The following NCKAP5L variants were observed in gnomAD, a reference collection of about 807,000 sequenced individuals.
The protein encoded by NCKAP5L is nck-associated protein 5-like.
A neutral mutation model predicts 103.2 loss-of-function variants in NCKAP5L; 54 were observed. The observed-to-expected ratio is 0.52, with a 90% confidence interval of 0.42 to 0.66. NCKAP5L has a LOEUF of 0.66. Among genes scored for constraint, NCKAP5L ranks in the 30% least tolerant of loss-of-function variants. The probability of loss-of-function intolerance (pLI) is 0.00; values close to 1 mark genes in which losing one functional copy is unlikely to be tolerated. For missense variants in NCKAP5L, 1,733 were observed against 1,750.6 expected (o/e 0.99, Z 0.18); for synonymous variants, 762 against 748.6 (o/e 1.02, Z -0.29).
chr12:49,800,647 G>C lies in NCKAP5L; in HGVS notation c.351+1201C>G, dbSNP rs183268276. Among the ~76,000 whole-genome samples, 154 of 152,304 alleles carry C rather than the reference G, an allele frequency of 1.0e-3. 2 individuals are homozygous for C. Among genetic ancestry groups the C allele is most frequent in the African/African-American group, 3.6e-3 (150 of 41,554 alleles). ...ATCTGTAAAGAAAAAACTATAGTCT[G>C]TAAACCTTAGTAATTTGCCCCAGGT... On this transcript the variant is annotated intron_variant, in intron 6 of 12. Transcript: ENST00000335999.
At chr12:49,807,401 C>G (rs1396182841) in intron 1 of NCKAP5L, among the ~76,000 whole-genome samples, 1 of 152,126 alleles carries the variant, frequency 6.6e-6, no homozygotes, top group Non-Finnish European at 1.5e-5. Context: ...TTCAGTGGCA[C>G]GTTCATAGCT....
Position 49,803,153 on chromosome 12 carries a change from C to T in NCKAP5L, c.136G>A (p.Ala46Thr). The change falls in exon 4 of 13, where the codon GCA becomes ACA. Residue 46 changes from alanine (A) to threonine (T), a missense_variant. By Grantham distance (58) the Ala-to-Thr change is moderately conservative (BLOSUM62 0). Coordinates refer to ENST00000335999, the MANE Select transcript of NCKAP5L (RefSeq NM_001037806.4). ...TGGTTTTCGTTGGCCTGGGCAAGTGCCGAGTTCTCTGCCTGCAGGAGTGAG... is the reference window on the plus strand; with the variant it reads ...TGGTTTTCGTTGGCCTGGGCAAGTGTCGAGTTCTCTGCCTGCAGGAGTGAG... ...RLRELEAENS[A>T]LAQANENQRE... The T allele has an allele frequency of 6.2e-7, 1 of 1,614,068 alleles. No individual in the cohort carries two copies. The highest frequency in any genetic ancestry group is 8.5e-7 in the Non-Finnish European group (1 of 1,180,044).
Position 49,792,125 on chromosome 12 carries a change from G to T in NCKAP5L, c.3793-74C>A. 1 of 1,346,162 alleles carries T rather than the reference G, an allele frequency of 7.4e-7. No homozygotes were observed. Among genetic ancestry groups the T allele is most frequent in the Non-Finnish European group, 1.0e-6 (1 of 1,004,196 alleles). 83.4% of individuals were successfully genotyped at this position (1,346,162 alleles called of 1,614,324 possible). A position where few individuals can be genotyped will look rare whatever the true frequency, so the allele number is the denominator to read the frequency against. ...CCCAGCCTCAGAGGCACTGAGCTCT[G>T]AGGGGCGTCTGTGCACCTGATGGGG... On this transcript the variant is annotated intron_variant, in intron 12 of 12. Coordinates refer to ENST00000335999, the MANE Select transcript of NCKAP5L (RefSeq NM_001037806.4). The surrounding 1 kb of genome is among the most constrained non-coding windows in gnomAD (Gnocchi z 4.5).
intron 1 of NCKAP5L, among the ~76,000 whole-genome samples, chr12:49,818,722 C>T (rs1176739307): frequency 1.3e-5 from 2 of 152,044 alleles, no homozygotes; most frequent in Non-Finnish European, 2.9e-5. Flanking sequence ...CTCGATATCA[C>T]GAATCATCAG....
In NCKAP5L at chr12:49,804,368, C is replaced by A. The variant is rs1362440166; in HGVS notation, c.-36-288G>T. ...TCATTCAGCCTCCCTGGGTCTCAGT[C>A]CCTCTATTTGTAAAATAACACCAAT... On this transcript the variant is annotated intron_variant, in intron 2 of 12. Coordinates refer to ENST00000335999, the MANE Select transcript of NCKAP5L (RefSeq NM_001037806.4). 5.0e-5 allele frequency: 10 copies of A among 201,934 alleles called. No homozygotes were observed. The Admixed American group carries it at 5.2e-4, about 11-fold the overall frequency. The allele number at this position is 201,934 out of a possible 1,614,324, so 12.5% of individuals were successfully genotyped here.
In NCKAP5L at chr12:49,791,671, G is replaced by A. The variant is rs1398815489; in HGVS notation, c.*168C>T. ...GCTGAGCACGGTCATCTCATCCGCC[G>A]AAGCAGTGGGTGGTGGGGTGTGCCA... is the stretch of plus-strand genomic sequence containing the variant. On this transcript the variant is annotated 3_prime_UTR_variant, in exon 13 of 13. Transcript: ENST00000335999. The A allele has an allele frequency of 8.7e-6, 5 of 575,278 alleles. No individual in the cohort carries two copies. Among genetic ancestry groups the A allele is most frequent in the Admixed American group, 3.4e-5 (1 of 29,202 alleles). 35.6% of individuals were successfully genotyped at this position (575,278 alleles called of 1,614,324 possible).
At chr12:49,818,147 CA>C (rs966897628) in intron 1 of NCKAP5L, among the ~76,000 whole-genome samples, 4 of 148,268 alleles carry the variant, frequency 2.7e-5, no homozygotes, top group Admixed American at 6.7e-5. Flanking sequence ...AAAAAAAAAA[CA>C]AAAAAACCTT....
rs1946084381 is a variant in NCKAP5L at position 49,798,482 on chromosome 12, A to T, written c.352-19T>A. 6.5e-7 allele frequency: 1 copy of T among 1,546,344 alleles called. No homozygotes were observed. The highest frequency in any genetic ancestry group is 1.2e-5 in the South Asian group (1 of 84,308). ...GTGGGATCTGCAGAGGGAGAGGCAG[A>T]GTTAGCACAGTAGCTGTCTGACCCC... On this transcript the variant is annotated intron_variant, in intron 6 of 12. Transcript: ENST00000335999.
chr12:49,799,913 C>T (rs1043853823), intron 6 of NCKAP5L, among the ~76,000 whole-genome samples: 4 of 152,146 alleles, frequency 2.6e-5, no homozygotes, highest in African/African-American at 7.2e-5. Flanking sequence ...ATCTCCCATC[C>T]GGCCGGGCAT....
At chr12:49,818,880 A>G (rs1946329738) in intron 1 of NCKAP5L, among the ~76,000 whole-genome samples, 1 of 152,132 alleles carries the variant, frequency 6.6e-6, no homozygotes, top group African/African-American at 2.4e-5. Flanking sequence ...CCACTATGGT[A>G]AATAGTATGG....
chr12:49,792,935 G>C lies in NCKAP5L; in HGVS notation c.3392C>G (p.Pro1131Arg). 1 of 1,558,856 alleles carries C rather than the reference G, an allele frequency of 6.4e-7. No individual in the cohort carries two copies. The highest frequency in any genetic ancestry group is 8.6e-7 in the Non-Finnish European group (1 of 1,160,240). The change falls in exon 11 of 13, where the codon CCC becomes CGC. Residue 1131 changes from proline (P) to arginine (R), a missense_variant. Transcript: ENST00000335999. The surrounding 1 kb of genome is among the most constrained non-coding windows in gnomAD (Gnocchi z 4.5). ...TLDSGIGTFPPPDHGSSGTPS... is the reference protein window; with the variant it reads ...TLDSGIGTFPRPDHGSSGTPS... ...GGTCCCACTGCTACCATGGTCTGGGGGTGGGAAGGTCCCAATGCCACTGTC... is the reference window on the plus strand; with the variant it reads ...GGTCCCACTGCTACCATGGTCTGGGCGTGGGAAGGTCCCAATGCCACTGTC...
chr12:49,799,489 T>G (rs771457403), intron 6 of NCKAP5L, among the ~76,000 whole-genome samples: 1 of 151,430 alleles, frequency 6.6e-6, no homozygotes, highest in Non-Finnish European at 1.5e-5. Context: ...AAAAAAAAAT[T>G]TTTTTTTTGT....
chr12:49,817,259 C>T (rs1392717927), intron 1 of NCKAP5L, among the ~76,000 whole-genome samples: 3 of 151,984 alleles, frequency 2.0e-5, no homozygotes, highest in African/African-American at 7.3e-5. Context: ...CAATCCCTAT[C>T]AAGATATCAA....
chr12:49,799,615 C>A (rs1173476367), intron 6 of NCKAP5L, among the ~76,000 whole-genome samples: 1 of 152,146 alleles, frequency 6.6e-6, no homozygotes, highest in Non-Finnish European at 1.5e-5. Context: ...CCGCGCTCGG[C>A]CTCATTTTCT....
In NCKAP5L at chr12:49,792,261, C is replaced by T. The variant is rs543921602; in HGVS notation, c.3792+185G>A. On this transcript the variant is annotated intron_variant, in intron 12 of 12. Coordinates refer to ENST00000335999, the MANE Select transcript of NCKAP5L (RefSeq NM_001037806.4). This position sits in a 1 kb window ranked among gnomAD's most constrained non-coding sequence, Gnocchi z 4.5. ...GGGGAGGGACAGAAACCTTTCCCCACGAGAGAAGTGCAAGGAGGGCAGTGG... is the reference window on the plus strand; with the variant it reads ...GGGGAGGGACAGAAACCTTTCCCCATGAGAGAAGTGCAAGGAGGGCAGTGG... 12,996 of 1,271,570 alleles carry T rather than the reference C, an allele frequency of 0.01. 107 individuals are homozygous for T. Among genetic ancestry groups the T allele is most frequent in the Middle Eastern group, 0.04 (215 of 5,408 alleles). The allele number at this position is 1,271,570 out of a possible 1,614,324, so 78.8% of individuals were successfully genotyped here.
Position 49,797,030 on chromosome 12 carries a change from C to A in NCKAP5L, c.830G>T (p.Ser277Ile). The A allele has an allele frequency of 6.3e-7, 1 of 1,576,632 alleles. No homozygotes were observed. The highest frequency in any genetic ancestry group is 1.2e-5 in the South Asian group (1 of 86,502). The change falls in exon 8 of 13, where the codon AGC becomes ATC. Residue 277 changes from serine to isoleucine, a missense_variant. Coordinates refer to ENST00000335999, the MANE Select transcript of NCKAP5L (RefSeq NM_001037806.4). This position sits in a 1 kb window ranked among gnomAD's most constrained non-coding sequence, Gnocchi z 4.5. ...GCCCTGGGCCTGAGGAGGTCCCCTG[C>A]TAGGACCCCAGGGCCGCCCAGTGTC... ...EEDTGRPWGP[S>I]RGPPQAQGTS... is the part of the protein sequence containing the mutation.
At position 49,797,125 on chromosome 12, in the gene NCKAP5L, C is replaced by A; in HGVS notation, c.735G>T (p.Leu245=). 1 of 1,601,730 alleles carries A rather than the reference C, an allele frequency of 6.2e-7. No individual in the cohort carries two copies. The highest frequency in any genetic ancestry group is 1.7e-5 in the Admixed American group (1 of 57,800). The change falls in exon 8 of 13, where the codon CTG becomes CTT. Residue 245 remains leucine (L), a synonymous_variant. Coordinates refer to ENST00000335999, the MANE Select transcript of NCKAP5L (RefSeq NM_001037806.4). The surrounding 1 kb of genome is among the most constrained non-coding windows in gnomAD (Gnocchi z 4.5). Reference sequence around the variant, plus strand: ...GGCCTCCCAGGTTGCCAGGGCCTAGCAGCAGGCAGGGCGCCCAGGGTGAGG... The same window carrying A: ...GGCCTCCCAGGTTGCCAGGGCCTAGAAGCAGGCAGGGCGCCCAGGGTGAGG... The part of the protein sequence containing the change: ...PEPSPWAPCL[L]LGPGNLGGLL...
intron 1 of NCKAP5L, among the ~76,000 whole-genome samples, chr12:49,824,700 C>T (rs960811654): frequency 1.3e-5 from 2 of 152,246 alleles, no homozygotes; most frequent in African/African-American, 2.4e-5. Flanking sequence ...CGGCCTGCTG[C>T]GTGCCTGGTA....
chr12:49,800,923 C>G (rs1946111400), intron 6 of NCKAP5L, among the ~76,000 whole-genome samples: 1 of 152,208 alleles, frequency 6.6e-6, no homozygotes, highest in Admixed American at 6.5e-5. Context: ...TCCGGGGATT[C>G]CAGGGTGAAC....
Sources: gnomAD v4.1 joint callset for allele counts (sites outside exome capture counted in the v4.1 genomes callset) on GRCh38, gnomAD v4.1.1 for gene constraint, Gnocchi (gnomAD v3.1) non-coding constraint, MANE v1.5 for transcripts, NCBI Gene and HGNC (gene_info 2026-07-23, HGNC 2026-07-21) for gene names.